TRDN: variants seen among roughly 807,000 people sequenced by gnomAD.
TRDN encodes the protein triadin in skeletal muscle.
In TRDN, 161 loss-of-function variants were observed where a neutral mutation model predicts 149.7. The observed-to-expected ratio is 1.08, with a 90% CI of 0.95 to 1.23. The LOEUF is 1.23. TRDN is among the 50% of genes most tolerant of loss of function. The probability of loss-of-function intolerance (pLI) is 0.00; values close to 1 mark genes in which losing one functional copy is unlikely to be tolerated. For synonymous variants in TRDN, 294 were observed against 250.5 expected (o/e 1.17, Z -1.64); for missense variants, 896 against 823.5 (o/e 1.09, Z -1.08).
chr6:123,530,242 C>A (rs1363789681), intron 5 of TRDN, among the ~76,000 whole-genome samples: 1 of 151,932 alleles, frequency 6.6e-6, no homozygotes, highest in Non-Finnish European at 1.5e-5. Flanking sequence ...TTGAGCTACT[C>A]TCTTAGTAAT....
At chr6:123,504,378 A>C (rs1583158958) in intron 7 of TRDN, among the ~76,000 whole-genome samples, 1 of 150,724 alleles carries the variant, frequency 6.6e-6, no homozygotes, top group South Asian at 2.1e-4. Flanking sequence ...AATGCCAACA[A>C]AGTCTTTTTT....
intron 12 of TRDN, among the ~76,000 whole-genome samples, chr6:123,422,020 AT>A: frequency 6.6e-6 from 1 of 152,228 alleles, no homozygotes; most frequent in South Asian, 2.1e-4. Flanking sequence ...AACAATAAAA[AT>A]ATATACATAA....
chr6:123,582,413 G>A (rs973813021), intron 1 of TRDN, among the ~76,000 whole-genome samples: 3 of 151,964 alleles, frequency 2.0e-5, no homozygotes, highest in African/African-American at 7.3e-5. Flanking sequence ...CTGGGTGCAG[G>A]TGGGCTGAGT....
intron 10 of TRDN, among the ~76,000 whole-genome samples, chr6:123,453,079 C>G (rs919867531): frequency 1.3e-5 from 2 of 152,128 alleles, no homozygotes; most frequent in Non-Finnish European, 2.9e-5. Context: ...ATCTTCATCT[C>G]TCACCTTATA....
At chr6:123,450,012 A>G (rs970220044) in intron 10 of TRDN, among the ~76,000 whole-genome samples, 2 of 152,192 alleles carry the variant, frequency 1.3e-5, no homozygotes, top group African/African-American at 4.8e-5. Flanking sequence ...TCAGACAAAC[A>G]AATACTGAGA....
At chr6:123,424,794 T>C (rs1047308822) in intron 12 of TRDN, among the ~76,000 whole-genome samples, 3 of 152,150 alleles carry the variant, frequency 2.0e-5, no homozygotes, top group South Asian at 2.1e-4. Context: ...GTGGAGACTT[T>C]AGATTTTATT....
chr6:123,291,543 C>T lies in TRDN; in HGVS notation c.1511-12461G>A, dbSNP rs185174425. Among the ~76,000 whole-genome samples, 1,072 of 151,934 alleles carry T rather than the reference C, an allele frequency of 7.1e-3. 4 individuals are homozygous for T. Among genetic ancestry groups the T allele is most frequent in the Non-Finnish European group, 0.013 (870 of 67,974 alleles). The stretch of plus-strand genomic sequence containing the variant: ...TCACACCACTGCACTCCAACCTGGG[C>T]GACAGAGTGAGACTCCGTCACACAA... On this transcript the variant is annotated intron_variant, in intron 24 of 40. Coordinates refer to ENST00000334268, the MANE Select transcript of TRDN (RefSeq NM_006073.4).
At chr6:123,590,121 C>T (rs1783707618) in intron 1 of TRDN, among the ~76,000 whole-genome samples, 1 of 152,140 alleles carries the variant, frequency 6.6e-6, no homozygotes, top group South Asian at 2.1e-4. Flanking sequence ...GCCACGGACC[C>T]ATTAGGAACC....
Position 123,266,615 on chromosome 6 carries a change from AT to A in TRDN, c.1783+1091del, listed in dbSNP as rs527617580. Among the ~76,000 whole-genome samples the A allele has an allele frequency of 6.4e-4, 8 of 12,516 alleles. 1 individual carries two copies. Among genetic ancestry groups the A allele is most frequent in the African/African-American group, 5.7e-3 (8 of 1,394 alleles). 8.2% of individuals were successfully genotyped at this position (12,516 alleles called of 152,430 possible). On this transcript the variant is annotated intron_variant, in intron 32 of 40. Coordinates refer to ENST00000334268, the MANE Select transcript of TRDN (RefSeq NM_006073.4). ...ATATATATATTATAATATGTATTATATATAATATATATTATAATATGTATTA... is the reference window on the plus strand; with the variant it reads ...ATATATATATTATAATATGTATTATAATAATATATATTATAATATGTATTA...
chr6:123,269,750 A>T (rs879934258), intron 31 of TRDN, 99 bp downstream of exon 31: 1 of 1,181,692 alleles, frequency 8.5e-7, no homozygotes, highest in South Asian at 1.5e-5. Flanking sequence ...GACACAGACA[A>T]CACTGAAAAT....
In TRDN at chr6:123,267,689, C is replaced by T. The variant is rs374452538; in HGVS notation, c.1783+18G>A. On this transcript the variant is annotated intron_variant, in intron 32 of 40. Transcript: ENST00000334268. Reference sequence around the variant, plus strand: ...TAGTGAACATAAGACAGAATATAAACCAAAAATGGTAAAATACCTGTTTTT... The same window carrying T: ...TAGTGAACATAAGACAGAATATAAATCAAAAATGGTAAAATACCTGTTTTT... 1.8e-4 allele frequency: 276 copies of T among 1,540,624 alleles called. No individual in the cohort carries two copies. Among genetic ancestry groups the T allele is most frequent in the Admixed American group, 6.2e-4 (32 of 51,860 alleles).
chr6:123,576,962 A>C (rs1782887802), intron 1 of TRDN, among the ~76,000 whole-genome samples: 1 of 150,842 alleles, frequency 6.6e-6, no homozygotes, highest in Non-Finnish European at 1.5e-5. Context: ...TGCCAAACTT[A>C]AAATAAAATA....
At chr6:123,598,936 A>T (rs1784157207) in intron 1 of TRDN, among the ~76,000 whole-genome samples, 1 of 152,132 alleles carries the variant, frequency 6.6e-6, no homozygotes. Flanking sequence ...GGCACAGGAA[A>T]TAAAAGTAGT....
intron 1 of TRDN, among the ~76,000 whole-genome samples, chr6:123,603,882 A>C (rs1784393461): frequency 6.6e-6 from 1 of 152,170 alleles, no homozygotes; most frequent in Non-Finnish European, 1.5e-5. Context: ...ACATGCATCT[A>C]ATAATCTACT....
chr6:123,434,117 T>C (rs142186182), intron 12 of TRDN: 1 of 152,252 alleles, frequency 6.6e-6, no homozygotes, highest in Admixed American at 6.5e-5. Context: ...TTTTCATCTT[T>C]TGGGGGAACT....
intron 18 of TRDN, among the ~76,000 whole-genome samples, 163 bp from the exon 19 acceptor site, chr6:123,375,794 T>C (rs1387284002): frequency 2.0e-5 from 3 of 152,146 alleles, no homozygotes; most frequent in Non-Finnish European, 4.4e-5. Flanking sequence ...TACTGTGCCA[T>C]TTTTCTGATA....
intron 4 of TRDN, among the ~76,000 whole-genome samples, chr6:123,534,194 A>T (rs1453951890): frequency 6.6e-6 from 1 of 152,182 alleles, no homozygotes; most frequent in African/African-American, 2.4e-5. Context: ...TTACAGGTAC[A>T]TTATCAACTA....
chr6:123,363,418 A>G (rs535797999), intron 20 of TRDN, among the ~76,000 whole-genome samples: 1 of 152,340 alleles, frequency 6.6e-6, no homozygotes, highest in East Asian at 1.9e-4. Context: ...TCAAATTGGT[A>G]AAACCCTTCA....
At chr6:123,519,638 T>C (rs1408888922) in intron 5 of TRDN, among the ~76,000 whole-genome samples, 1 of 151,966 alleles carries the variant, frequency 6.6e-6, no homozygotes, top group African/African-American at 2.4e-5. Flanking sequence ...ACTACATTCT[T>C]CAATTGATGG....
Sources: gnomAD v4.1 joint callset for allele counts (sites outside exome capture counted in the v4.1 genomes callset) on GRCh38, gnomAD v4.1.1 for gene constraint, MANE v1.5 for transcripts, NCBI Gene and HGNC (gene_info 2026-07-23, HGNC 2026-07-21) for gene names.